DGLUCY: variants seen among roughly 807,000 people sequenced by gnomAD.
DGLUCY encodes the protein D-glutamate cyclase, mitochondrial.
A neutral mutation model predicts 58.5 loss-of-function variants in DGLUCY; 58 were observed. The observed-to-expected ratio is 0.99, with a 90% CI of 0.80 to 1.23. The LOEUF is 1.23. DGLUCY is among the 50% of genes most tolerant of loss of function. DGLUCY has a pLI of 0.00. For synonymous variants in DGLUCY, 325 were observed against 314.1 expected, an observed-to-expected ratio of 1.03 and a Z score of -0.37; for missense variants, 779 against 784.7, an observed-to-expected ratio of 0.99 and a Z score of 0.09.
At chr14:91,189,288 T>C in intron 9 of DGLUCY, 118 bp downstream of exon 9, 1 of 1,308,422 alleles carries the variant, frequency 7.6e-7, no homozygotes, top group Non-Finnish European at 1.1e-6. Flanking sequence ...AACTCCGTTG[T>C]AAGCTGCATA....
In DGLUCY at chr14:91,215,456, A is replaced by T; in HGVS notation, c.1616A>T (p.Tyr539Phe). Reference sequence around the variant, plus strand: ...CTGGCCTGCGCACTCTACATCCTGTACTCATGTGCTGTCCACAGTCAGTAC... The same window carrying T: ...CTGGCCTGCGCACTCTACATCCTGTTCTCATGTGCTGTCCACAGTCAGTAC... ...YALACALYIL[Y>F]SCAVHSQYLR... is the part of the protein sequence containing the mutation. Residue 539 changes from tyrosine (Y) to phenylalanine (F), a missense_variant, in exon 13 of 14, where the codon TAC becomes TTC. By Grantham distance (22) the Tyr-to-Phe change is conservative. Transcript: ENST00000256324. 3.7e-6 allele frequency: 6 copies of T among 1,614,156 alleles called. No individual in the cohort carries two copies. Among genetic ancestry groups the T allele is most frequent in the Non-Finnish European group, 5.1e-6 (6 of 1,180,020 alleles).
chr14:91,198,379 C>G (rs903460439), intron 10 of DGLUCY, among the ~76,000 whole-genome samples: 1 of 150,044 alleles, frequency 6.7e-6, no homozygotes, highest in Non-Finnish European at 1.5e-5. Context: ...GGGTCTCACT[C>G]TGTCACCCAG....
At chr14:91,204,670 G>A (rs1404099301) in intron 11 of DGLUCY, 36 bp from the exon 12 acceptor site, 2 of 1,606,094 alleles carry the variant, frequency 1.2e-6, no homozygotes, top group East Asian at 2.2e-5. Flanking sequence ...ATTTTGCCCT[G>A]GTCCCGTGCA....
chr14:91,220,388 TATC>T (rs959658531), intron 13 of DGLUCY: 62 of 425,606 alleles, frequency 1.5e-4, no homozygotes, highest in Middle Eastern at 6.8e-4. Flanking sequence ...CAACCGTCAT[TATC>T]ATCATCATCA....
At chr14:91,111,030 T>G (rs182818271), upstream of DGLUCY, among the ~76,000 whole-genome samples, 2 of 152,296 alleles carry the variant, frequency 1.3e-5, no homozygotes, top group African/African-American at 4.8e-5. Flanking sequence ...TTCAGTTGGC[T>G]TAACGTTTTT....
chr14:91,122,602 G>GTT lies in DGLUCY; in HGVS notation c.-82+8336_-82+8337dup, dbSNP rs60627604. Among the ~76,000 whole-genome samples the GTT allele has an allele frequency of 3.7e-4, 39 of 104,788 alleles. 8 individuals carry two copies. Among genetic ancestry groups the GTT allele is most frequent in the Non-Finnish European group, 5.1e-4 (29 of 57,126 alleles). The allele number at this position is 104,788 out of a possible 152,430, so 68.7% of individuals were successfully genotyped here. On this transcript the variant is annotated intron_variant, in intron 1 of 13. Coordinates refer to ENST00000256324, the MANE Select transcript of DGLUCY (RefSeq NM_001102368.3). ...ATTTTAACTATAATAAAAGAAAAAA[G>GTT]TTTTTTTTTTTTTTTTTTGAGATAG...
At chr14:91,124,451 T>C (rs905667304) in intron 1 of DGLUCY, among the ~76,000 whole-genome samples, 1 of 152,238 alleles carries the variant, frequency 6.6e-6, no homozygotes, top group Non-Finnish European at 1.5e-5. Flanking sequence ...AGGTCCACTG[T>C]GGGCATAGCT....
intron 6 of DGLUCY, among the ~76,000 whole-genome samples, chr14:91,174,525 T>C (rs2048753444): frequency 6.6e-6 from 1 of 152,092 alleles, no homozygotes; most frequent in African/African-American, 2.4e-5. Context: ...AGGCTGGTCT[T>C]GAACGCCTGG....
At chr14:91,219,048 C>T (rs770214347) in intron 13 of DGLUCY, among the ~76,000 whole-genome samples, 6 of 151,838 alleles carry the variant, frequency 4.0e-5, no homozygotes, top group Non-Finnish European at 4.4e-5. Context: ...GGCGTGGTGG[C>T]GGGCGCCTGT....
At chr14:91,137,534 C>T (rs888259539) in intron 1 of DGLUCY, among the ~76,000 whole-genome samples, 4 of 150,702 alleles carry the variant, frequency 2.7e-5, no homozygotes, top group African/African-American at 9.8e-5. Context: ...TACAGGCGTG[C>T]GCCACCACGC....
chr14:91,223,630 A>AG, intron 13 of DGLUCY: 5 of 1,263,708 alleles, frequency 4.0e-6, no homozygotes, highest in Non-Finnish European at 5.1e-6. Flanking sequence ...TTTTGGAAGG[A>AG]GGGGGGATGG....
rs755407235 is a variant in DGLUCY at position 91,181,254 on chromosome 14, C to T, written c.799C>T (p.Pro267Ser). The stretch of plus-strand genomic sequence containing the variant: ...GACTGACCTGAAGGATGCAAAGGCT[C>T]CACCTGGTTGTCTCACCCCAGAGAG... ...VMTDLKDAKA[P>S]PGCLTPERIP... is the part of the protein sequence containing the mutation. The change falls in exon 8 of 14, where the codon CCA becomes TCA. Residue 267 changes from proline to serine, a missense_variant. Transcript: ENST00000256324. The T allele has an allele frequency of 1.2e-6, 2 of 1,614,172 alleles. No individual in the cohort carries two copies. Among genetic ancestry groups the T allele is most frequent in the South Asian group, 1.1e-5 (1 of 91,084 alleles).
At position 91,093,972 on chromosome 14, in the gene DGLUCY, T is replaced by C. The variant is rs187707917; in HGVS notation, c.-82+33268T>C. 1.2e-4 allele frequency among the ~76,000 whole-genome samples: 19 copies of C among 152,244 alleles called. No individual in the cohort carries two copies. In the East Asian group the frequency reaches 3.7e-3, roughly 29 times the overall value. On this transcript the variant is annotated intron_variant, in intron 1 of 4. Coordinates refer to the DGLUCY transcript ENST00000521334. ...CTGGATCTGTGGAATGAGAAGTGAC[T>C]GCTTAACAGGTATAGGGTTTCCATG...
At chr14:91,199,149 G>T (rs2050397987) in intron 10 of DGLUCY, among the ~76,000 whole-genome samples, 1 of 152,080 alleles carries the variant, frequency 6.6e-6, no homozygotes, top group South Asian at 2.1e-4. Flanking sequence ...GGACAAAGGG[G>T]ATCTGAGTGG....
chr14:91,193,878 C>G, intron 9 of DGLUCY, among the ~76,000 whole-genome samples: 1 of 150,806 alleles, frequency 6.6e-6, no homozygotes, highest in African/African-American at 2.4e-5. Context: ...TTAAAGCTGA[C>G]TAGGCATTGT....
At chr14:91,149,029 C>T (rs2047163402) in intron 1 of DGLUCY, among the ~76,000 whole-genome samples, 1 of 151,978 alleles carries the variant, frequency 6.6e-6, no homozygotes, top group African/African-American at 2.4e-5. Flanking sequence ...GGGTGGATCA[C>T]CTGAGGTGGG....
At chr14:91,133,632 T>G (rs1011713059) in intron 1 of DGLUCY, among the ~76,000 whole-genome samples, 4 of 152,150 alleles carry the variant, frequency 2.6e-5, no homozygotes, top group African/African-American at 7.2e-5. Context: ...CAAGCAATTC[T>G]CCCGTCTCAA....
intron 1 of DGLUCY, among the ~76,000 whole-genome samples, chr14:91,084,952 G>A (rs2044187715): frequency 6.6e-6 from 1 of 152,174 alleles, no homozygotes; most frequent in Admixed American, 6.5e-5. Context: ...GGTGGGCATG[G>A]TGGCTTGTGC....
At chr14:91,219,800 A>G (rs1887158291) in intron 13 of DGLUCY, among the ~76,000 whole-genome samples, 1 of 152,208 alleles carries the variant, frequency 6.6e-6, no homozygotes, top group Non-Finnish European at 1.5e-5. Flanking sequence ...TTACAGGGGT[A>G]CCTGCAAGGT....
Sources: allele counts gnomAD v4.1 joint callset (sites outside exome capture counted in the v4.1 genomes callset), GRCh38; gene constraint gnomAD v4.1.1; transcripts MANE v1.5; gene names NCBI Gene and HGNC (gene_info 2026-07-23, HGNC 2026-07-21).